Variants in CFAP74 observed in about 807,000 individuals in gnomAD.
CFAP74 encodes cilia- and flagella-associated protein 74.
Under a neutral mutation model 188.9 loss-of-function variants are expected in CFAP74, and 124 were observed. The observed-to-expected ratio is 0.66, with a 90% confidence interval of 0.57 to 0.76. CFAP74 has a LOEUF of 0.76. Among genes scored for constraint, CFAP74 ranks in the 30% least tolerant of loss-of-function variants. The probability of loss-of-function intolerance (pLI) is 0.00; values close to 1 mark genes in which losing one functional copy is unlikely to be tolerated. For missense variants in CFAP74, 2,198 were observed against 2,165.2 expected (o/e 1.02, Z -0.30); for synonymous variants, 956 against 916.7 (o/e 1.04, Z -0.77).
intron 14 of CFAP74, among the ~76,000 whole-genome samples, chr1:1,961,201 G>A (rs1655067230): frequency 6.6e-6 from 1 of 152,190 alleles, no homozygotes; most frequent in South Asian, 2.1e-4. Flanking sequence ...GAGCAGGAGG[G>A]CAGAGCCGGA....
intron 14 of CFAP74, among the ~76,000 whole-genome samples, 191 bp downstream of exon 14, chr1:1,963,558 A>G (rs1655247847): frequency 6.6e-6 from 1 of 151,228 alleles, no homozygotes. Context: ...TCGTGAAGGG[A>G]AATGGGCTCG....
At chr1:1,926,387 G>C (rs1651898226) in intron 31 of CFAP74, 40 bp from the exon 32 acceptor site, 1 of 1,550,044 alleles carries the variant, frequency 6.5e-7, no homozygotes, top group South Asian at 1.2e-5. Context: ...GGTGTCTGCA[G>C]GCTCTACCAC....
chr1:1,924,055 C>A, intron 34 of CFAP74, 126 bp from the exon 35 acceptor site: 1 of 896,438 alleles, frequency 1.1e-6, no homozygotes, highest in Non-Finnish European at 1.6e-6. Flanking sequence ...TGCCCGGTCC[C>A]CCCAATGGCC....
At chr1:2,002,434 A>T in intron 1 of CFAP74, among the ~76,000 whole-genome samples, 1 of 151,502 alleles carries the variant, frequency 6.6e-6, no homozygotes, top group Non-Finnish European at 1.5e-5. Context: ...TAATTCCAGC[A>T]CTTTGGGAGG....
chr1:1,929,744 C>T (rs1652211748), intron 26 of CFAP74, among the ~76,000 whole-genome samples: 2 of 151,892 alleles, frequency 1.3e-5, no homozygotes, highest in Admixed American at 6.6e-5. Flanking sequence ...GACTACACAG[C>T]CTTCCCCAGT....
chr1:1,972,212 C>G, intron 8 of CFAP74, 130 bp from the exon 9 acceptor site: 4 of 711,988 alleles, frequency 5.6e-6, no homozygotes, highest in Admixed American at 2.1e-5. Context: ...TCCCAAAGCG[C>G]TGGGATCACA....
intron 25 of CFAP74, among the ~76,000 whole-genome samples, chr1:1,931,438 A>AT (rs1461118208): frequency 6.9e-6 from 1 of 144,286 alleles, no homozygotes; most frequent in Non-Finnish European, 1.5e-5. Flanking sequence ...TCAATAAAAA[A>AT]AAAAAAAAAA....
At chr1:1,998,621 T>A (rs1658040022) in intron 1 of CFAP74, among the ~76,000 whole-genome samples, 1 of 152,182 alleles carries the variant, frequency 6.6e-6, no homozygotes, top group Non-Finnish European at 1.5e-5. Flanking sequence ...ACGCCTGTAA[T>A]CCCAGCACTT....
At chr1:2,000,805 T>C (rs1245988563) in intron 1 of CFAP74, among the ~76,000 whole-genome samples, 1 of 152,122 alleles carries the variant, frequency 6.6e-6, no homozygotes, top group Non-Finnish European at 1.5e-5. Flanking sequence ...CTTACAGGCA[T>C]CACTGTAAGT....
In CFAP74 at chr1:1,978,854, C is replaced by T. The variant is rs542034930; in HGVS notation, c.501-4656G>A. Among the ~76,000 whole-genome samples, 4 of 152,340 alleles carry T rather than the reference C, an allele frequency of 2.6e-5. 1 individual carries two copies. Among genetic ancestry groups the T allele is most frequent in the African/African-American group, 9.6e-5 (4 of 41,588 alleles). On this transcript the variant is annotated intron_variant, in intron 6 of 38. Coordinates refer to ENST00000682832, the MANE Select transcript of CFAP74 (RefSeq NM_001304360.2). ...CCGGGACACAGCACCAGCGCCCTGC[C>T]GTGGGTCCCATGTGGCCAAGCGGGG...
chr1:1,973,083 C>T lies in CFAP74; in HGVS notation c.675-36G>A. ...ATGGGGCCGTCAGAGGGAAACTCGGCATCACACGTCCCATCTGCCCCCAAG... is the reference window on the plus strand; with the variant it reads ...ATGGGGCCGTCAGAGGGAAACTCGGTATCACACGTCCCATCTGCCCCCAAG... On this transcript the variant is annotated intron_variant, in intron 7 of 38. Transcript: ENST00000682832. The surrounding 1 kb of genome is among the most constrained non-coding windows in gnomAD (Gnocchi z 6.2). The T allele has an allele frequency of 6.7e-7, 1 of 1,485,824 alleles. No homozygotes were observed. Among genetic ancestry groups the T allele is most frequent in the Non-Finnish European group, 9.3e-7 (1 of 1,070,846 alleles). 92.0% of individuals were successfully genotyped at this position (1,485,824 alleles called of 1,614,324 possible). A position where few individuals can be genotyped will look rare whatever the true frequency, so the allele number is the denominator to read the frequency against.
At position 1,990,965 on chromosome 1, in the gene CFAP74, A is replaced by G. The variant is rs756695524; in HGVS notation, c.-9T>C. 1 of 1,605,684 alleles carries G rather than the reference A, an allele frequency of 6.2e-7. No individual in the cohort carries two copies. The highest frequency in any genetic ancestry group is 8.5e-7 in the Non-Finnish European group (1 of 1,177,216). On this transcript the variant is annotated 5_prime_UTR_variant, in exon 2 of 39. Coordinates refer to ENST00000682832, the MANE Select transcript of CFAP74 (RefSeq NM_001304360.2). ...CTGCCGTCATCCTCCATGCTGGGAG[A>G]TAGAAATTAGCTGCAAAAGATGATC...
intron 34 of CFAP74, 67 bp downstream of exon 34, chr1:1,924,324 A>G: frequency 2.3e-6 from 1 of 425,834 alleles, no homozygotes. Context: ...CCTCCAGGCC[A>G]CTGCCTACTC....
intron 18 of CFAP74, chr1:1,954,942 AG>A (rs1654447753): frequency 8.4e-7 from 1 of 1,197,522 alleles, no homozygotes; most frequent in South Asian, 1.6e-5. Context: ...AACGCTCCCA[AG>A]TGTGCACTGG....
At chr1:1,937,587 C>A (rs921815435) in intron 25 of CFAP74, among the ~76,000 whole-genome samples, 1 of 152,198 alleles carries the variant, frequency 6.6e-6, no homozygotes, top group South Asian at 2.1e-4. Context: ...CGGCTCACAT[C>A]GGAAACAAAA....
intron 1 of CFAP74, among the ~76,000 whole-genome samples, chr1:1,993,963 CAG>C (rs1201714077): frequency 6.6e-6 from 1 of 150,736 alleles, no homozygotes; most frequent in Non-Finnish European, 1.5e-5. Context: ...GCCTGGGCGA[CAG>C]AGCAAGACTC....
intron 5 of CFAP74, among the ~76,000 whole-genome samples, chr1:1,986,270 C>T (rs1657229896): frequency 6.6e-6 from 1 of 152,200 alleles, no homozygotes; most frequent in Non-Finnish European, 1.5e-5. Context: ...GCCTGTAATC[C>T]CAGCTACTCC....
At chr1:1,938,333 C>T (rs1163811913) in intron 25 of CFAP74, among the ~76,000 whole-genome samples, 1 of 31,780 alleles carries the variant, frequency 3.1e-5, no homozygotes, top group African/African-American at 1.0e-4. Flanking sequence ...ACACAAGGCA[C>T]TCACACACAC....
intron 18 of CFAP74, among the ~76,000 whole-genome samples, chr1:1,948,915 CCTTTCCTTCCTTCCT>C (rs1653981311): frequency 1.4e-5 from 2 of 144,006 alleles, no homozygotes; most frequent in Non-Finnish European, 3.1e-5. Context: ...TCCTTCCTTC[CCTTTCCTTCCTTCCT>C]CTTTCCTCCC....
Sources: gnomAD v4.1 joint callset for allele counts (sites outside exome capture counted in the v4.1 genomes callset) on GRCh38, gnomAD v4.1.1 for gene constraint, Gnocchi (gnomAD v3.1) non-coding constraint, MANE v1.5 for transcripts, NCBI Gene and HGNC (gene_info 2026-07-23, HGNC 2026-07-21) for gene names.